The following RNF212B variants were observed in gnomAD, a reference collection of about 807,000 sequenced individuals.
RNF212B encodes the protein E3 ubiquitin-protein ligase RNF212B.
A neutral mutation model predicts 55.5 loss-of-function variants in RNF212B; 52 were observed. That is an observed-to-expected ratio of 0.94 (90% CI 0.75 to 1.18). RNF212B has a LOEUF of 1.18. RNF212B is among the 50% of genes most tolerant of loss of function. RNF212B has a pLI of 0.00. For missense variants in RNF212B, 289 were observed against 350.4 expected (o/e 0.82, Z 1.40); for synonymous variants, 99 against 121.4 (o/e 0.82, Z 1.21).
chr14:23,195,549 A>G (rs1878574448), intron 2 of RNF212B, among the ~76,000 whole-genome samples: 1 of 152,102 alleles, frequency 6.6e-6, no homozygotes, highest in African/African-American at 2.4e-5. Flanking sequence ...TCAGTAATTC[A>G]ATTTAGTGCT....
At chr14:23,205,538 A>G (rs1166697307) in intron 2 of RNF212B, among the ~76,000 whole-genome samples, 2 of 152,322 alleles carry the variant, frequency 1.3e-5, no homozygotes, top group East Asian at 3.9e-4. Context: ...TGAAGCTGCC[A>G]TTGCAAGATT....
At chr14:23,215,535 C>T (rs941277588) in intron 2 of RNF212B, among the ~76,000 whole-genome samples, 1 of 152,024 alleles carries the variant, frequency 6.6e-6, no homozygotes, top group African/African-American at 2.4e-5. Context: ...CACACACAAA[C>T]AAACAGAAAT....
At position 23,201,539 on chromosome 14, in the gene RNF212B, T is replaced by G. The variant is rs920056683; in HGVS notation, c.-2+8138T>G. Reference sequence around the variant, plus strand: ...AAGAAACCAAATAACCATTTCATATTTGACAATGCTTCCTGTATAATTTTT... The same window carrying G: ...AAGAAACCAAATAACCATTTCATATGTGACAATGCTTCCTGTATAATTTTT... On this transcript the variant is annotated intron_variant, in intron 2 of 15. Coordinates refer to the RNF212B transcript ENST00000399910. Among the ~76,000 whole-genome samples, 10 of 152,202 alleles carry G rather than the reference T, an allele frequency of 6.6e-5. No individual in the cohort carries two copies. The East Asian group carries it at 1.9e-3, about 29-fold the overall frequency.
At chr14:23,218,366 T>TC (rs1881281455) in intron 2 of RNF212B, among the ~76,000 whole-genome samples, 1 of 81,906 alleles carries the variant, frequency 1.2e-5, no homozygotes, top group Non-Finnish European at 2.6e-5. Flanking sequence ...AGAGTCTATC[T>TC]CAAAAAAAAA....
At chr14:23,228,253 C>T (rs1216033915) in intron 2 of RNF212B, among the ~76,000 whole-genome samples, 2 of 150,910 alleles carry the variant, frequency 1.3e-5, no homozygotes, top group Admixed American at 6.6e-5. Flanking sequence ...TCATCAGGCT[C>T]TTTTTAGAAA....
intron 2 of RNF212B, among the ~76,000 whole-genome samples, chr14:23,227,630 C>T (rs1882154080): frequency 6.6e-6 from 1 of 152,032 alleles, no homozygotes; most frequent in African/African-American, 2.4e-5. Flanking sequence ...GAGACTAGTT[C>T]TCGCCCTGTC....
intron 2 of RNF212B, among the ~76,000 whole-genome samples, chr14:23,208,758 T>TTTTTTTTTA: frequency 9.9e-5 from 1 of 10,090 alleles, no homozygotes; most frequent in African/African-American, 2.0e-4. Context: ...CTGGTTGCCG[T>TTTTTTTTTA]TTTTTTTTTT....
At chr14:23,220,297 C>T (rs1341705619) in intron 2 of RNF212B, among the ~76,000 whole-genome samples, 3 of 151,950 alleles carry the variant, frequency 2.0e-5, no homozygotes, top group Non-Finnish European at 2.9e-5. Context: ...TTTGGGAGGT[C>T]GAGGTGGGTG....
At chr14:23,211,592 T>C (rs1182400456) in intron 2 of RNF212B, among the ~76,000 whole-genome samples, 1 of 152,064 alleles carries the variant, frequency 6.6e-6, no homozygotes, top group African/African-American at 2.4e-5. Flanking sequence ...CGAACATAAA[T>C]GCAGCAAATA....
intron 9 of RNF212B, 132 bp from the exon 10 acceptor site, chr14:23,264,042 T>C (rs2140479264): frequency 1.6e-6 from 1 of 626,782 alleles, no homozygotes; most frequent in Admixed American, 2.8e-5. Context: ...GAGCTAAGCT[T>C]GTGCCATTGT....
chr14:23,194,745 A>AC (rs1428068808), intron 2 of RNF212B, among the ~76,000 whole-genome samples: 1 of 151,370 alleles, frequency 6.6e-6, no homozygotes, highest in Non-Finnish European at 1.5e-5. Context: ...AAAAAAAAAA[A>AC]AAAAAAAAAA....
intron 2 of RNF212B, among the ~76,000 whole-genome samples, chr14:23,202,250 T>TA (rs57327070): frequency 1.5e-5 from 2 of 134,070 alleles, no homozygotes; most frequent in South Asian, 2.5e-4. Flanking sequence ...GACCCTGTCT[T>TA]AAAAAAAAAA....
At chr14:23,246,381 T>C (rs1279565781) in intron 4 of RNF212B, among the ~76,000 whole-genome samples, 1 of 152,164 alleles carries the variant, frequency 6.6e-6, no homozygotes, top group Non-Finnish European at 1.5e-5. Context: ...TTTCCTTTAA[T>C]GTATATGAAA....
chr14:23,234,413 G>A (rs1882954207), upstream of RNF212B, among the ~76,000 whole-genome samples: 1 of 151,846 alleles, frequency 6.6e-6, no homozygotes, highest in Non-Finnish European at 1.5e-5. Flanking sequence ...TGCACACCTA[G>A]GTTATAAGAG....
At chr14:23,266,316 G>A (rs1885687427) in intron 11 of RNF212B, among the ~76,000 whole-genome samples, 1 of 148,496 alleles carries the variant, frequency 6.7e-6, no homozygotes. Context: ...GTTTATCAAT[G>A]TGTTGTTCAA....
chr14:23,246,201 C>T (rs907114135), intron 4 of RNF212B, among the ~76,000 whole-genome samples: 1 of 151,408 alleles, frequency 6.6e-6, no homozygotes, highest in Non-Finnish European at 1.5e-5. Flanking sequence ...GTGGCAAGAT[C>T]TCAGCTCACT....
At chr14:23,258,514 G>A (rs1303146224) in intron 4 of RNF212B, 35 bp from the exon 5 acceptor site, 2 of 1,024,236 alleles carry the variant, frequency 2.0e-6, no homozygotes, top group African/African-American at 1.6e-5. Flanking sequence ...AGGAGTTATG[G>A]GAGAGTATGT....
chr14:23,272,592 A>G (rs1886187521), intron 14 of RNF212B: 5 of 536,116 alleles, frequency 9.3e-6, no homozygotes. Flanking sequence ...ATTTTCAAAT[A>G]TTCATCCTTA....
chr14:23,212,444 AG>A (rs1411881780), intron 2 of RNF212B, among the ~76,000 whole-genome samples: 1 of 152,210 alleles, frequency 6.6e-6, no homozygotes, highest in Non-Finnish European at 1.5e-5. Context: ...TCTGTGAAAA[AG>A]CTCTATAATA....
Sources: gnomAD v4.1 joint callset for allele counts (sites outside exome capture counted in the v4.1 genomes callset) on GRCh38, gnomAD v4.1.1 for gene constraint, MANE v1.5 for transcripts, NCBI Gene and HGNC (gene_info 2026-07-23, HGNC 2026-07-21) for gene names.